LRP1B: variants seen among roughly 807,000 people sequenced by gnomAD.
The protein encoded by LRP1B is LDL receptor related protein 1B, also known as low-density lipoprotein receptor-related protein 1B.
In LRP1B, 217 loss-of-function variants were observed where a neutral mutation model predicts 556.6. The ratio of observed to expected loss-of-function variants is 0.39; its 90% CI spans 0.35 to 0.44. LRP1B has a LOEUF of 0.44. Among genes scored for constraint, LRP1B ranks in the 20% least tolerant of loss-of-function variants. LRP1B has a pLI of 1.00. For missense variants in LRP1B, 5,053 were observed against 5,620.8 expected (o/e 0.90, Z 3.23); for synonymous variants, 2,047 against 1,865.8 (o/e 1.10, Z -2.50).
intron 2 of LRP1B, among the ~76,000 whole-genome samples, chr2:141,780,358 G>A (rs1318563289): frequency 6.6e-6 from 1 of 151,938 alleles, no homozygotes; most frequent in East Asian, 1.9e-4. Context: ...GTTTTTGGAT[G>A]GGTGGGAGAG....
chr2:141,181,607 T>C (rs1439632506), intron 7 of LRP1B, among the ~76,000 whole-genome samples: 3 of 151,898 alleles, frequency 2.0e-5, no homozygotes, highest in Non-Finnish European at 4.4e-5. Flanking sequence ...CGTTTTTGCA[T>C]TGTGTTGACT....
chr2:140,653,888 G>C (rs1213344277), intron 41 of LRP1B, among the ~76,000 whole-genome samples: 1 of 151,738 alleles, frequency 6.6e-6, no homozygotes, highest in East Asian at 1.9e-4. Flanking sequence ...AGCTGAAGGT[G>C]GTGGTGGGCG....
At chr2:142,031,261 C>A (rs1027242581) in intron 1 of LRP1B, among the ~76,000 whole-genome samples, 1 of 147,996 alleles carries the variant, frequency 6.8e-6, no homozygotes, top group Non-Finnish European at 1.5e-5. Flanking sequence ...AGTTTGGATT[C>A]TCATGTTATT....
At chr2:140,990,298 T>C (rs1380465933) in intron 16 of LRP1B, among the ~76,000 whole-genome samples, 1 of 152,124 alleles carries the variant, frequency 6.6e-6, no homozygotes, top group East Asian at 1.9e-4. Context: ...CAAGAACATT[T>C]AAAATTAACC....
intron 2 of LRP1B, among the ~76,000 whole-genome samples, chr2:141,739,081 A>C (rs1282461258): frequency 6.6e-6 from 1 of 152,150 alleles, no homozygotes; most frequent in Non-Finnish European, 1.5e-5. Flanking sequence ...AACAAAAGCA[A>C]AAAGCTAAAA....
chr2:141,672,940 C>G (rs981677279), intron 2 of LRP1B, among the ~76,000 whole-genome samples: 1 of 152,180 alleles, frequency 6.6e-6, no homozygotes, highest in African/African-American at 2.4e-5. Context: ...CTGTGCCACT[C>G]TACCAAGCCC....
chr2:140,352,367 G>A (rs755804015), intron 76 of LRP1B, among the ~76,000 whole-genome samples: 1 of 151,848 alleles, frequency 6.6e-6, no homozygotes, highest in Non-Finnish European at 1.5e-5. Flanking sequence ...GTAGAGACGG[G>A]GTTTCACCAT....
chr2:141,880,286 C>A (rs1020413130), intron 1 of LRP1B, among the ~76,000 whole-genome samples: 6 of 151,484 alleles, frequency 4.0e-5, no homozygotes, highest in African/African-American at 1.5e-4. Context: ...AAAGAAAATG[C>A]ACCTAATATT....
chr2:140,634,138 G>A (rs569903089), intron 41 of LRP1B, among the ~76,000 whole-genome samples: 2 of 152,062 alleles, frequency 1.3e-5, no homozygotes, highest in Non-Finnish European at 2.9e-5. Flanking sequence ...TATAAGACCA[G>A]CTCAACATTT....
chr2:140,950,553 G>A (rs940872156), intron 19 of LRP1B, 151 bp from the exon 20 acceptor site: 4 of 525,230 alleles, frequency 7.6e-6, no homozygotes, highest in East Asian at 3.4e-5. Flanking sequence ...GCACTATCTC[G>A]GCTCACTGCA....
chr2:140,289,559 G>A (rs1424707308), intron 84 of LRP1B, among the ~76,000 whole-genome samples: 2 of 150,884 alleles, frequency 1.3e-5, no homozygotes, highest in African/African-American at 4.9e-5. Context: ...TTCCTTTTAT[G>A]TATAAGCACG....
chr2:140,849,998 A>C, intron 29 of LRP1B, 104 bp downstream of exon 29: 1 of 728,880 alleles, frequency 1.4e-6, no homozygotes, highest in Admixed American at 2.7e-5. Context: ...ACTTTCAATT[A>C]ACAGCATAAA....
chr2:140,603,774 T>G (rs1682761977), intron 41 of LRP1B, among the ~76,000 whole-genome samples: 1 of 152,176 alleles, frequency 6.6e-6, no homozygotes, highest in South Asian at 2.1e-4. Flanking sequence ...AATGATCTGT[T>G]GCTACATTTT....
chr2:141,378,507 T>C (rs777657163), intron 3 of LRP1B, among the ~76,000 whole-genome samples: 2 of 152,100 alleles, frequency 1.3e-5, no homozygotes, highest in African/African-American at 4.8e-5. Flanking sequence ...AGAAACCATC[T>C]CTAAACAAGT....
Position 140,978,826 on chromosome 2 carries a change from A to C in LRP1B, c.2887+3334T>G, listed in dbSNP as rs1372236952. Among the ~76,000 whole-genome samples the C allele has an allele frequency of 1.7e-4, 26 of 152,166 alleles. 1 individual carries two copies. Among genetic ancestry groups the C allele is most frequent in the Admixed American group, 1.7e-3 (26 of 15,262 alleles). On this transcript the variant is annotated intron_variant, in intron 18 of 90. Coordinates refer to ENST00000389484, the MANE Select transcript of LRP1B (RefSeq NM_018557.3). ...ATGTTTCCTTGGTTGTAAAGAAGAA[A>C]TGGTACTGATACTAACCCATGCCGC...
At chr2:141,128,777 T>G (rs751900789) in intron 7 of LRP1B, among the ~76,000 whole-genome samples, 1 of 152,108 alleles carries the variant, frequency 6.6e-6, no homozygotes, top group Non-Finnish European at 1.5e-5. Context: ...TGCGCCACCA[T>G]GCTCAGCTAA....
intron 41 of LRP1B, among the ~76,000 whole-genome samples, chr2:140,634,028 A>G (rs193015467): frequency 1.4e-4 from 22 of 152,304 alleles, no homozygotes; most frequent in Non-Finnish European, 2.6e-4. Context: ...GTTTCTCATG[A>G]ATGTAGCTGT....
At chr2:140,387,232 T>TG (rs1263620555) in intron 66 of LRP1B, among the ~76,000 whole-genome samples, 1 of 152,134 alleles carries the variant, frequency 6.6e-6, no homozygotes, top group African/African-American at 2.4e-5. Context: ...TTATTGGTGG[T>TG]GGTTTTGTGC....
intron 2 of LRP1B, among the ~76,000 whole-genome samples, chr2:141,713,515 G>C (rs1692453139): frequency 6.6e-6 from 1 of 152,102 alleles, no homozygotes; most frequent in African/African-American, 2.4e-5. Flanking sequence ...TGCGGTATCT[G>C]TTAAATAGCA....
Sources: allele counts gnomAD v4.1 joint callset (sites outside exome capture counted in the v4.1 genomes callset), GRCh38; gene constraint gnomAD v4.1.1; transcripts MANE v1.5; gene names NCBI Gene and HGNC (gene_info 2026-07-23, HGNC 2026-07-21).